BROX: variants seen among roughly 807,000 people sequenced by gnomAD.
The protein encoded by BROX is BRO1 domain-containing protein BROX.
Under a neutral mutation model 61.0 loss-of-function variants are expected in BROX, and 53 were observed. The observed-to-expected ratio is 0.87, with a 90% confidence interval of 0.70 to 1.09. The LOEUF is 1.09. BROX is among the 50% of genes least tolerant of loss of function. BROX has a pLI of 0.00. For synonymous variants in BROX, 152 were observed against 160.2 expected (o/e 0.95, Z 0.38); for missense variants, 489 against 472.0 (o/e 1.04, Z -0.33).
At chr1:222,714,280 C>A (rs1209319879) in intron 1 of BROX, among the ~76,000 whole-genome samples, 10 of 144,684 alleles carry the variant, frequency 6.9e-5, no homozygotes, top group African/African-American at 2.6e-4. Context: ...GGTGCCATCT[C>A]GGCTCACTGC....
intron 3 of BROX, 44 bp from the exon 4 acceptor site, chr1:222,719,219 C>G: frequency 7.0e-7 from 1 of 1,434,532 alleles, no homozygotes; most frequent in Non-Finnish European, 9.7e-7. Flanking sequence ...CTCAATATTT[C>G]TTCTAATTCT....
At chr1:222,718,056 G>A (rs915984846) in intron 2 of BROX, 1 of 152,176 alleles carries the variant, frequency 6.6e-6, no homozygotes, top group Non-Finnish European at 1.5e-5. Context: ...GCTAATGATG[G>A]AGATCTAGGA....
intron 6 of BROX, among the ~76,000 whole-genome samples, chr1:222,724,697 G>A (rs77062419): frequency 6.6e-6 from 1 of 152,082 alleles, no homozygotes; most frequent in Non-Finnish European, 1.5e-5. Flanking sequence ...TTTATTGAAG[G>A]CCTCCTAGAG....
At chr1:222,730,787 TTCCCTGC>T (rs1657877299) in intron 11 of BROX, among the ~76,000 whole-genome samples, 1 of 152,190 alleles carries the variant, frequency 6.6e-6, no homozygotes. Context: ...TTAACTCTGT[TTCCCTGC>T]CATTCTTCCT....
intron 7 of BROX, among the ~76,000 whole-genome samples, chr1:222,726,431 T>A (rs980256137): frequency 3.3e-5 from 5 of 151,986 alleles, no homozygotes; most frequent in Non-Finnish European, 5.9e-5. Flanking sequence ...ATTAGCCAGT[T>A]GGCTGGGTGT....
intron 4 of BROX, among the ~76,000 whole-genome samples, chr1:222,720,931 T>G (rs990493805): frequency 6.6e-6 from 1 of 152,258 alleles, no homozygotes; most frequent in Non-Finnish European, 1.5e-5. Context: ...CAAGTGAGAC[T>G]TCTAAGTTAC....
Position 222,732,889 on chromosome 1 carries a change from CTT to C in BROX, c.*177_*178del. The C allele has an allele frequency of 3.4e-6, 2 of 580,342 alleles. No individual in the cohort carries two copies. Among genetic ancestry groups the C allele is most frequent in the South Asian group, 4.4e-5 (2 of 45,148 alleles). The allele number at this position is 580,342 out of a possible 1,614,324, so 35.9% of individuals were successfully genotyped here. ...TTTAATACAGCGGAGATGTTTCTTG[CTT>C]TGTTTTCAGACTCTCCTTTTTAATC... On this transcript the variant is annotated 3_prime_UTR_variant, in exon 13 of 13. Coordinates refer to ENST00000340934, the MANE Select transcript of BROX (RefSeq NM_144695.4).
At chr1:222,714,074 A>G (rs1274158956) in intron 1 of BROX, 1 of 152,210 alleles carries the variant, frequency 6.6e-6, no homozygotes, top group African/African-American at 2.4e-5. Flanking sequence ...AGTGCCTTCA[A>G]ATTAAATGAA....
chr1:222,721,763 T>C (rs573019808), intron 4 of BROX, among the ~76,000 whole-genome samples: 4 of 152,286 alleles, frequency 2.6e-5, no homozygotes, highest in East Asian at 1.9e-4. Flanking sequence ...CAGAATCTTA[T>C]ACAGTTTGCC....
intron 9 of BROX, among the ~76,000 whole-genome samples, chr1:222,729,066 C>G (rs1310229094): frequency 6.6e-6 from 1 of 152,126 alleles, no homozygotes; most frequent in South Asian, 2.1e-4. Context: ...ATTGAAAACC[C>G]ACTTGCAGCA....
intron 11 of BROX, among the ~76,000 whole-genome samples, chr1:222,731,075 G>T (rs978465003): frequency 2.0e-5 from 3 of 152,092 alleles, no homozygotes; most frequent in Admixed American, 6.5e-5. Context: ...CCTTAAGCAT[G>T]CCTAGTTCAC....
rs1177582665 is a variant in BROX at position 222,734,954 on chromosome 1, G to T, written c.*2240G>T. On this transcript the variant is annotated 3_prime_UTR_variant, in exon 13 of 13. Coordinates refer to ENST00000340934, the MANE Select transcript of BROX (RefSeq NM_144695.4). Reference sequence around the variant, plus strand: ...TAAATATTTTGTTGACTCAGCAAAGGTGACACTTTGTGACTAAAGTATCCC... The same window carrying T: ...TAAATATTTTGTTGACTCAGCAAAGTTGACACTTTGTGACTAAAGTATCCC... 1 of 152,148 alleles carries T rather than the reference G, an allele frequency of 6.6e-6. No individual in the cohort carries two copies. The highest frequency in any genetic ancestry group is 1.5e-5 in the Non-Finnish European group (1 of 68,028). 9.4% of individuals were successfully genotyped at this position (152,148 alleles called of 1,614,324 possible). A position where few individuals can be genotyped will look rare whatever the true frequency, so the allele number is the denominator to read the frequency against.
chr1:222,730,562 C>T (rs2125042133), intron 11 of BROX, among the ~76,000 whole-genome samples: 1 of 152,302 alleles, frequency 6.6e-6, no homozygotes, highest in Middle Eastern at 3.4e-3. Context: ...AGTCACTGCA[C>T]TCCCGCCTGG....
chr1:222,712,816 T>C lies in BROX; in HGVS notation c.-143T>C. 1 of 1,288,540 alleles carries C rather than the reference T, an allele frequency of 7.8e-7. No homozygotes were observed. The highest frequency in any genetic ancestry group is 1.0e-6 in the Non-Finnish European group (1 of 988,422). 79.8% of individuals were successfully genotyped at this position (1,288,540 alleles called of 1,614,324 possible). Reference sequence around the variant, plus strand: ...GTCACGTGACTCCGGCTTGGCGCCGTCCTGGTTTTCCGTCACCCTGGTTCT... The same window carrying C: ...GTCACGTGACTCCGGCTTGGCGCCGCCCTGGTTTTCCGTCACCCTGGTTCT... On this transcript the variant is annotated 5_prime_UTR_variant, in exon 1 of 13. Coordinates refer to ENST00000340934, the MANE Select transcript of BROX (RefSeq NM_144695.4).
At chr1:222,717,360 G>A (rs905488354) in intron 2 of BROX, among the ~76,000 whole-genome samples, 46 of 151,916 alleles carry the variant, frequency 3.0e-4, no homozygotes, top group African/African-American at 1.1e-3. Flanking sequence ...AACTTCTTTG[G>A]GCCTAATTCC....
chr1:222,728,022 A>G (rs1286840097), intron 8 of BROX, among the ~76,000 whole-genome samples: 1 of 152,190 alleles, frequency 6.6e-6, no homozygotes, highest in Non-Finnish European at 1.5e-5. Flanking sequence ...GAAGAGTTTG[A>G]AAAAGTATGC....
At chr1:222,731,700 A>T (rs1302907841) in intron 12 of BROX, among the ~76,000 whole-genome samples, 184 bp downstream of exon 12, 1 of 152,224 alleles carries the variant, frequency 6.6e-6, no homozygotes, top group Non-Finnish European at 1.5e-5. Context: ...TCTAGGCCTT[A>T]AATGTCTTCT....
At chr1:222,719,131 C>T (rs1193712081) in intron 3 of BROX, 100 bp downstream of exon 3, 1 of 1,289,136 alleles carries the variant, frequency 7.8e-7, no homozygotes, top group East Asian at 2.3e-5. Context: ...CTCTTCCAGA[C>T]TGTATTCTTT....
intron 8 of BROX, 97 bp downstream of exon 8, chr1:222,727,354 G>T: frequency 1.2e-6 from 1 of 858,700 alleles, no homozygotes. Context: ...CTCAGATTCT[G>T]TCATTATTTG....
Sources: allele counts gnomAD v4.1 joint callset (sites outside exome capture counted in the v4.1 genomes callset), GRCh38; gene constraint gnomAD v4.1.1; transcripts MANE v1.5; gene names NCBI Gene and HGNC (gene_info 2026-07-23, HGNC 2026-07-21).